Variants in PTGS1 observed in about 807,000 individuals in gnomAD.
PTGS1 encodes the protein prostaglandin G/H synthase 1.
A neutral mutation model predicts 63.0 loss-of-function variants in PTGS1; 40 were observed. The observed-to-expected ratio is 0.63, with a 90% CI of 0.49 to 0.83. The LOEUF is 0.83. PTGS1 is among the 40% of genes least tolerant of loss of function. PTGS1 has a pLI of 0.00. For missense variants in PTGS1, 709 were observed against 786.5 expected, an observed-to-expected ratio of 0.90 and a Z score of 1.18; for synonymous variants, 298 against 301.9, an observed-to-expected ratio of 0.99 and a Z score of 0.13.
At chr9:122,388,517 C>A (rs986553059) in intron 9 of PTGS1, among the ~76,000 whole-genome samples, 1 of 152,172 alleles carries the variant, frequency 6.6e-6, no homozygotes, top group Non-Finnish European at 1.5e-5. Flanking sequence ...TTTACATATG[C>A]GGGAACTCAA....
At chr9:122,371,126 C>A (rs2119102382) in intron 1 of PTGS1, 35 bp downstream of exon 1, 1 of 1,606,142 alleles carries the variant, frequency 6.2e-7, no homozygotes, top group Non-Finnish European at 8.5e-7. Context: ...GGGGAATTTT[C>A]TTGGCCTCCT....
intron 3 of PTGS1, 76 bp from the exon 4 acceptor site, chr9:122,378,357 G>A (rs1588124382): frequency 1.3e-6 from 2 of 1,595,906 alleles, no homozygotes; most frequent in East Asian, 4.5e-5. Flanking sequence ...CTTGTCCTCA[G>A]TGCCCCATCT....
At position 122,377,996 on chromosome 9, in the gene PTGS1, C is replaced by G; in HGVS notation, c.192C>G (p.Ser64=). Residue 64 remains serine, a synonymous_variant, in exon 3 of 11, where the codon TCC becomes TCG. Transcript: ENST00000362012. The part of the protein sequence containing the change: ...YQCDCTRTGY[S]GPNCTIPGLW... ...GTGACTGCACCCGCACGGGCTATTC[C>G]GGCCCCAACTGCACCATCCGTGAGC... 1 of 1,613,292 alleles carries G rather than the reference C, an allele frequency of 6.2e-7. No homozygotes were observed. Among genetic ancestry groups the G allele is most frequent in the Non-Finnish European group, 8.5e-7 (1 of 1,179,976 alleles).
intron 2 of PTGS1, among the ~76,000 whole-genome samples, chr9:122,376,206 G>A (rs1019667247): frequency 1.3e-5 from 2 of 152,182 alleles, no homozygotes; most frequent in African/African-American, 4.8e-5. Context: ...GTTTGCCTGT[G>A]GCTGCCTGAT....
intron 3 of PTGS1, 59 bp downstream of exon 3, chr9:122,378,074 C>G (rs969729955): frequency 2.0e-6 from 3 of 1,490,036 alleles, no homozygotes; most frequent in Admixed American, 3.4e-5. Flanking sequence ...TCCCCGGGCC[C>G]TTTCTCCTAG....
intron 4 of PTGS1, 37 bp from the exon 5 acceptor site, chr9:122,378,738 G>A (rs201791823): frequency 6.8e-6 from 11 of 1,612,302 alleles, no homozygotes; most frequent in Non-Finnish European, 9.3e-6. Flanking sequence ...GCTGGGGGTG[G>A]AAACACCCTT....
intron 5 of PTGS1, among the ~76,000 whole-genome samples, chr9:122,379,879 T>A (rs1053794898): frequency 2.0e-5 from 3 of 152,202 alleles, no homozygotes; most frequent in Admixed American, 2.0e-4. Context: ...TCTTGAACCT[T>A]CAACATCAGG....
At chr9:122,370,919 G>A (rs1405432769), upstream of PTGS1, 1 of 1,163,408 alleles carries the variant, frequency 8.6e-7, no homozygotes, top group Non-Finnish European at 1.2e-6. Context: ...GCCTTGGCCG[G>A]GGCTGGGCAG....
chr9:122,375,944 G>A (rs1056371634), intron 2 of PTGS1, among the ~76,000 whole-genome samples: 3 of 152,134 alleles, frequency 2.0e-5, no homozygotes, highest in South Asian at 2.1e-4. Context: ...GAGTCCTAGC[G>A]GACCTTGTGT....
At position 122,381,363 on chromosome 9, in the gene PTGS1, C is replaced by T. The variant is rs577767829; in HGVS notation, c.497-8C>T. ...AGAAGCTACTGCTGTTTCCTACCCC[C>T]CAACCAGGGAAGAAGCAGTTGCCAG... On this transcript the variant is annotated splice_polypyrimidine_tract_variant and splice_region_variant and intron_variant, in intron 5 of 10. Transcript: ENST00000362012. 6.2e-7 allele frequency: 1 copy of T among 1,613,290 alleles called. No individual in the cohort carries two copies. Among genetic ancestry groups the T allele is most frequent in the African/African-American group, 1.3e-5 (1 of 74,914 alleles).
rs1472267288 is a variant in PTGS1 at position 122,393,462 on chromosome 9, GT to G, written c.*919del. On this transcript the variant is annotated 3_prime_UTR_variant, in exon 11 of 11. Transcript: ENST00000362012. ...TCACTGTATAGACATGCTACCACTG[GT>G]ACTTCCTTTCTCCCTGCGGGCCAGG... 3.9e-5 allele frequency: 6 copies of G among 152,258 alleles called. No homozygotes were observed. The highest frequency in any genetic ancestry group is 1.4e-4 in the African/African-American group (6 of 41,530). The allele number at this position is 152,258 out of a possible 1,614,324, so 9.4% of individuals were successfully genotyped here. A position where few individuals can be genotyped will look rare whatever the true frequency, so the allele number is the denominator to read the frequency against.
At chr9:122,387,954 T>G (rs1837975659) in intron 9 of PTGS1, among the ~76,000 whole-genome samples, 1 of 152,270 alleles carries the variant, frequency 6.6e-6, no homozygotes, top group South Asian at 2.1e-4. Flanking sequence ...TTCCTTCTGG[T>G]AATTTGACTG....
chr9:122,380,636 A>G (rs1446950182), intron 5 of PTGS1, among the ~76,000 whole-genome samples: 1 of 152,226 alleles, frequency 6.6e-6, no homozygotes, highest in Non-Finnish European at 1.5e-5. Context: ...TCCCGCTACA[A>G]TAGCAAAAAC....
rs1381947015 is a variant in PTGS1, at chr9:122,387,540, G to T, written c.1296+808G>T. ...ATTAGGCTGGGCCCTAATCCAGTGT[G>T]ACTTATAAGAAGAAGAGATTAGGTC... On this transcript the variant is annotated intron_variant, in intron 9 of 10. Coordinates refer to ENST00000362012, the MANE Select transcript of PTGS1 (RefSeq NM_000962.4). 2.6e-5 allele frequency among the ~76,000 whole-genome samples: 4 copies of T among 152,108 alleles called. No individual in the cohort carries two copies. In the East Asian group the frequency reaches 7.7e-4, roughly 29 times the overall value.
At chr9:122,372,487 C>T (rs1338618509) in intron 2 of PTGS1, 1 of 152,200 alleles carries the variant, frequency 6.6e-6, no homozygotes, top group African/African-American at 2.4e-5. Context: ...TCTCAACAGC[C>T]CTGCCAGAGA....
Position 122,392,472 on chromosome 9 carries a change from C to A in PTGS1, c.1728C>A (p.Tyr576Ter). The A allele has an allele frequency of 6.2e-7, 1 of 1,614,182 alleles. No individual in the cohort carries two copies. ...GCCTCAACACCAAGACCTGTCCCTA[C>A]GTTTCCTTCCGTGTGCCGGATGCCA... ...LVCLNTKTCP[Y>*]VSFRVPDASQ... Residue 576 changes from tyrosine to a stop codon, truncating the protein, a stop_gained, in exon 11 of 11, where the codon TAC becomes TAA. Coordinates refer to ENST00000362012, the MANE Select transcript of PTGS1 (RefSeq NM_000962.4). LOFTEE classifies it high-confidence loss of function.
chr9:122,392,118 G>A, intron 10 of PTGS1, 71 bp from the exon 11 acceptor site: 1 of 1,356,856 alleles, frequency 7.4e-7, no homozygotes, highest in Non-Finnish European at 1.0e-6. Context: ...GGACCTGGAA[G>A]GGTCCCGCCC....
intron 7 of PTGS1, 143 bp downstream of exon 7, chr9:122,381,890 A>G: frequency 1.2e-6 from 1 of 838,924 alleles, no homozygotes; most frequent in South Asian, 1.6e-5. Flanking sequence ...GCGACAGTAT[A>G]CGCTGGGAGG....
Position 122,392,667 on chromosome 9 carries a change from C to G in PTGS1, c.*123C>G, listed in dbSNP as rs1838363032. 1.3e-6 allele frequency: 1 copy of G among 795,506 alleles called. No individual in the cohort carries two copies. The highest frequency in any genetic ancestry group is 1.7e-5 in the African/African-American group (1 of 57,668). The allele number at this position is 795,506 out of a possible 1,614,324, so 49.3% of individuals were successfully genotyped here. ...TTGGCATGGTGAGTGTTGGGGTTGA[C>G]ATTTAGAACTTTAAGTCTCACCCAT... On this transcript the variant is annotated 3_prime_UTR_variant, in exon 11 of 11. Transcript: ENST00000362012.
Sources: allele counts gnomAD v4.1 joint callset (sites outside exome capture counted in the v4.1 genomes callset), GRCh38; gene constraint gnomAD v4.1.1; transcripts MANE v1.5; gene names NCBI Gene and HGNC (gene_info 2026-07-23, HGNC 2026-07-21).